The following PDK4 variants were observed in gnomAD, a reference collection of about 807,000 sequenced individuals.
The protein encoded by PDK4 is pyruvate dehydrogenase kinase 4.
In PDK4, 43 loss-of-function variants were observed where a neutral mutation model predicts 51.7. The observed-to-expected ratio is 0.83, with a 90% CI of 0.65 to 1.07. PDK4 has a LOEUF of 1.07. PDK4 is among the 50% of genes least tolerant of loss of function. The pLI is 0.00. For synonymous variants in PDK4, 170 were observed against 176.6 expected, an observed-to-expected ratio of 0.96 and a Z score of 0.30; for missense variants, 498 against 503.5, an observed-to-expected ratio of 0.99 and a Z score of 0.10.
In PDK4 at chr7:95,593,660, C is replaced by T. The variant is rs371206221; in HGVS notation, c.344+39G>A. ...ATCTTAGGAATCTATCTGGAAAGAACCAAAGTTTTAAACACTTATTCTAAT... is the reference window on the plus strand; with the variant it reads ...ATCTTAGGAATCTATCTGGAAAGAATCAAAGTTTTAAACACTTATTCTAAT... On this transcript the variant is annotated intron_variant, in intron 3 of 10. Coordinates refer to ENST00000005178, the MANE Select transcript of PDK4 (RefSeq NM_002612.4). 1.3e-4 allele frequency: 123 copies of T among 968,478 alleles called. 1 individual carries two copies. The highest frequency in any genetic ancestry group is 2.0e-4 in the Non-Finnish European group (119 of 601,834). The allele number at this position is 968,478 out of a possible 1,614,324, so 60.0% of individuals were successfully genotyped here. A position where few individuals can be genotyped will look rare whatever the true frequency, so the allele number is the denominator to read the frequency against.
chr7:95,586,692 A>G lies in PDK4; in HGVS notation c.1095+318T>C, dbSNP rs145092032. The G allele has an allele frequency of 6.0e-3, 1,244 of 208,948 alleles. 4 individuals are homozygous for G. Among genetic ancestry groups the G allele is most frequent in the Non-Finnish European group, 8.9e-3 (939 of 105,054 alleles). The allele number at this position is 208,948 out of a possible 1,614,324, so 12.9% of individuals were successfully genotyped here. A position where few individuals can be genotyped will look rare whatever the true frequency, so the allele number is the denominator to read the frequency against. On this transcript the variant is annotated intron_variant, in intron 10 of 10. Transcript: ENST00000005178. ...ATCTAAGTAAAATAAAAGCACAGCT[A>G]CTCTCATAGATGCCAAAAGGAGTTG...
intron 1 of PDK4, 151 bp downstream of exon 1, chr7:95,596,013 G>A (rs1467776485): frequency 1.2e-6 from 1 of 814,984 alleles, no homozygotes; most frequent in Non-Finnish European, 1.8e-6. Context: ...CTAGGAAAAG[G>A]AAAGGTGTGC....
chr7:95,587,207 T>C, intron 9 of PDK4, 84 bp from the exon 10 acceptor site: 1 of 817,836 alleles, frequency 1.2e-6, no homozygotes, highest in South Asian at 1.5e-5. Flanking sequence ...TCCTCACTGA[T>C]ACTAATGTCC....
intron 1 of PDK4, among the ~76,000 whole-genome samples, chr7:95,595,684 A>G (rs1420775879): frequency 1.3e-5 from 2 of 152,244 alleles, no homozygotes; most frequent in Non-Finnish European, 2.9e-5. Context: ...ATGGAAAACT[A>G]TAATGATAAA....
At chr7:95,593,222 C>G (rs994138980) in intron 3 of PDK4, among the ~76,000 whole-genome samples, 2 of 151,966 alleles carry the variant, frequency 1.3e-5, no homozygotes, top group African/African-American at 4.8e-5. Flanking sequence ...TAAGTCTTCT[C>G]TTTATAAAAT....
chr7:95,588,080 C>G (rs1373665724), intron 7 of PDK4, among the ~76,000 whole-genome samples: 1 of 152,092 alleles, frequency 6.6e-6, no homozygotes, highest in African/African-American at 2.4e-5. Flanking sequence ...TGCTAGCTGT[C>G]AAGTTCTTAT....
At chr7:95,596,074 G>A (rs752820507) in intron 1 of PDK4, 90 bp downstream of exon 1, 1 of 1,371,842 alleles carries the variant, frequency 7.3e-7, no homozygotes, top group South Asian at 1.5e-5. Flanking sequence ...AGTTGTTTTA[G>A]CTTGAGCCTA....
At position 95,595,036 on chromosome 7, in the gene PDK4, A is replaced by G. The variant is rs917529827; in HGVS notation, c.259T>C (p.Leu87=). 3 of 1,610,798 alleles carry G rather than the reference A, an allele frequency of 1.9e-6. No homozygotes were observed. Among genetic ancestry groups the G allele is most frequent in the Non-Finnish European group, 2.5e-6 (3 of 1,177,912 alleles). Residue 87 remains leucine, a synonymous_variant, in exon 2 of 11, where the codon TTG becomes CTG. Transcript: ENST00000005178. ...TTCACCACTTACCAGCTTTTAACCAATTGCACTGAAGAGGTATTTACTAAT... is the reference window on the plus strand; with the variant it reads ...TTCACCACTTACCAGCTTTTAACCAGTTGCACTGAAGAGGTATTTACTAAT... ...TQLVNTSSVQ[L]VKSWYIQSLM... is the part of the protein sequence containing the mutation.
chr7:95,589,381 T>C (rs1791524233), intron 7 of PDK4, among the ~76,000 whole-genome samples: 1 of 152,188 alleles, frequency 6.6e-6, no homozygotes, highest in Non-Finnish European at 1.5e-5. Flanking sequence ...GAAAAAATAA[T>C]AAGAACTTCC....
Position 95,585,624 on chromosome 7 carries a change from G to A in PDK4, c.*17C>T, listed in dbSNP as rs1385312399. On this transcript the variant is annotated 3_prime_UTR_variant, in exon 11 of 11. Transcript: ENST00000005178. ...TAGACCCACTTTGATCCCGTAAAGT[G>A]TCCTGAGTGTCCCTCTTCACATGGC... 3 of 1,598,402 alleles carry A rather than the reference G, an allele frequency of 1.9e-6. No homozygotes were observed. The highest frequency in any genetic ancestry group is 2.6e-6 in the Non-Finnish European group (3 of 1,168,876).
chr7:95,593,819 C>A (rs752648217), intron 2 of PDK4, 49 bp from the exon 3 acceptor site: 2 of 794,250 alleles, frequency 2.5e-6, no homozygotes, highest in Non-Finnish European at 4.3e-6. Flanking sequence ...TAGTCAGATA[C>A]AAATGGCTGA....
At chr7:95,590,879 T>G (rs1359647186) in intron 6 of PDK4, among the ~76,000 whole-genome samples, 1 of 152,192 alleles carries the variant, frequency 6.6e-6, no homozygotes, top group Non-Finnish European at 1.5e-5. Context: ...TCGTTCATCA[T>G]GTAGTCACTT....
Position 95,592,741 on chromosome 7 carries a change from T to C in PDK4, c.529+19A>G. ...CTACACCCATGTCTATATACCATGATCATGATGAGCTAACTTACTGTGCTG... is the reference window on the plus strand; with the variant it reads ...CTACACCCATGTCTATATACCATGACCATGATGAGCTAACTTACTGTGCTG... On this transcript the variant is annotated intron_variant, in intron 4 of 10. Transcript: ENST00000005178. 3.1e-6 allele frequency: 5 copies of C among 1,594,074 alleles called. No homozygotes were observed. The highest frequency in any genetic ancestry group is 4.3e-6 in the Non-Finnish European group (5 of 1,164,416).
rs1274077998 is a variant in PDK4 at position 95,592,502 on chromosome 7, A to C, written c.616+9T>G. ...TTCAATAAGGGAAGTGCAGAAATACAGAACATACCTTGGACCACTGCTACC... is the reference window on the plus strand; with the variant it reads ...TTCAATAAGGGAAGTGCAGAAATACCGAACATACCTTGGACCACTGCTACC... On this transcript the variant is annotated intron_variant, in intron 5 of 10. Transcript: ENST00000005178. The C allele has an allele frequency of 4.6e-6, 7 of 1,526,470 alleles. No individual in the cohort carries two copies. Among genetic ancestry groups the C allele is most frequent in the Non-Finnish European group, 6.4e-6 (7 of 1,100,448 alleles). 94.6% of individuals were successfully genotyped at this position (1,526,470 alleles called of 1,614,324 possible).
intron 2 of PDK4, 146 bp downstream of exon 2, chr7:95,594,877 T>C: frequency 2.1e-6 from 1 of 470,786 alleles, no homozygotes. Flanking sequence ...TAACTTACCC[T>C]AAATTAATTT....
At position 95,587,088 on chromosome 7, in the gene PDK4, C is replaced by T. The variant is rs755634578; in HGVS notation, c.1017G>A (p.Leu339=). 9 of 1,611,948 alleles carry T rather than the reference C, an allele frequency of 5.6e-6. No homozygotes were observed. Among genetic ancestry groups the T allele is most frequent in the Non-Finnish European group, 5.9e-6 (7 of 1,178,252 alleles). The change falls in exon 10 of 11, where the codon CTG becomes CTA. Residue 339 remains leucine, a synonymous_variant. Coordinates refer to ENST00000005178, the MANE Select transcript of PDK4 (RefSeq NM_002612.4). The part of the protein sequence containing the change: ...GFGYGLPISR[L]YAKYFQGDLN... Reference sequence around the variant, plus strand: ...GATCTCCTTGAAAGTACTTTGCATACAGACGAGAAATTGGCAAGCCGTAAC... The same window carrying T: ...GATCTCCTTGAAAGTACTTTGCATATAGACGAGAAATTGGCAAGCCGTAAC...
rs776885608 is a variant in PDK4 at position 95,592,062 on chromosome 7, G to A, written c.620C>T (p.Ala207Val). Reference sequence around the variant, plus strand: ...ACAGAGCATCCTTGAACACTCAAAGGCATCTGGAATAGAAGTTGTTTTTTA... The same window carrying A: ...ACAGAGCATCCTTGAACACTCAAAGACATCTGGAATAGAAGTTGTTTTTTA... Reference protein sequence around the residue: ...NCDVVAVVQDAFECSRMLCDQ... With the variant: ...NCDVVAVVQDVFECSRMLCDQ... Residue 207 changes from alanine to valine, a missense_variant, in exon 6 of 11, where the codon GCC becomes GTC. By Grantham distance (64) the Ala-to-Val change is moderately conservative (BLOSUM62 0). Coordinates refer to ENST00000005178, the MANE Select transcript of PDK4 (RefSeq NM_002612.4). The A allele has an allele frequency of 2.6e-6, 4 of 1,567,386 alleles. No individual in the cohort carries two copies. The highest frequency in any genetic ancestry group is 2.4e-5 in the South Asian group (2 of 84,622).
intron 6 of PDK4, among the ~76,000 whole-genome samples, chr7:95,590,042 A>G (rs1791532468): frequency 6.6e-6 from 1 of 152,132 alleles, no homozygotes. Flanking sequence ...TGCTGGGATG[A>G]TAGGCATGAA....
chr7:95,595,784 T>C (rs1283292540), intron 1 of PDK4, among the ~76,000 whole-genome samples: 1 of 152,220 alleles, frequency 6.6e-6, no homozygotes, highest in Non-Finnish European at 1.5e-5. Flanking sequence ...AATTTGAGGC[T>C]ATTTAATACT....
Sources: gnomAD v4.1 joint callset for allele counts (sites outside exome capture counted in the v4.1 genomes callset) on GRCh38, gnomAD v4.1.1 for gene constraint, MANE v1.5 for transcripts, NCBI Gene and HGNC (gene_info 2026-07-23, HGNC 2026-07-21) for gene names.